The following RBFOX3 variants were observed in gnomAD, a reference collection of about 807,000 sequenced individuals.
RBFOX3 encodes RNA binding protein fox-1 homolog 3.
RBFOX3 carries 17 observed loss-of-function variants against 48.7 expected under a neutral mutation model. The observed-to-expected ratio is 0.35, with a 90% CI of 0.24 to 0.52. RBFOX3 has a LOEUF of 0.52. RBFOX3 is among the 20% of genes least tolerant of loss of function. RBFOX3 has a pLI of 0.94. For synonymous variants in RBFOX3, 212 were observed against 209.5 expected, an observed-to-expected ratio of 1.01 and a Z score of -0.10; for missense variants, 382 against 497.5, an observed-to-expected ratio of 0.77 and a Z score of 2.21.
In RBFOX3 at chr17:79,418,063, T is replaced by A. The variant is rs2065676694; in HGVS notation, c.-175+64391A>T. Among the ~76,000 whole-genome samples the A allele has an allele frequency of 5.3e-5, 8 of 152,056 alleles. No individual in the cohort carries two copies. Among genetic ancestry groups the A allele is most frequent in the Admixed American group, 5.2e-4 (8 of 15,264 alleles). On this transcript the variant is annotated intron_variant, in intron 2 of 14. Coordinates refer to ENST00000693108, the MANE Select transcript of RBFOX3 (RefSeq NM_001350451.2). The surrounding 1 kb of genome is among the most constrained non-coding windows in gnomAD (Gnocchi z 5.0). ...ATGGAGATGCCAGGGGCTGGGGAGATAGGAAGGGGGCTTCGTGTTTCCTGG... is the reference window on the plus strand; with the variant it reads ...ATGGAGATGCCAGGGGCTGGGGAGAAAGGAAGGGGGCTTCGTGTTTCCTGG...
intron 4 of RBFOX3, among the ~76,000 whole-genome samples, chr17:79,231,906 T>A (rs1385996712): frequency 6.6e-6 from 1 of 152,208 alleles, no homozygotes; most frequent in East Asian, 1.9e-4. Flanking sequence ...TACCCAAGAC[T>A]GAGTAATTTA....
chr17:79,096,736 T>C lies in RBFOX3; in HGVS notation c.853A>G (p.Thr285Ala). The C allele has an allele frequency of 2.6e-6, 4 of 1,541,706 alleles. No individual in the cohort carries two copies. The highest frequency in any genetic ancestry group is 3.5e-6 in the Non-Finnish European group (4 of 1,138,850). Reference protein sequence around the residue: ...PQQTPEPAYPTSPAFPPLSCP... With the variant: ...PQQTPEPAYPASPAFPPLSCP... ...GAAAGTGGTGGGAACGCTGGAGAGG[T>C]GGGGTAGGCCGGCTCCGGTGTCTGC... is the stretch of plus-strand genomic sequence containing the variant. Residue 285 changes from threonine (T) to alanine (A), a missense_variant, in exon 12 of 15, where the codon ACC becomes GCC. This residue lies in a region of RBFOX3 where 215 missense variants were observed against 254.8 expected (regional missense o/e 0.84). Transcript: ENST00000693108.
intron 2 of RBFOX3, among the ~76,000 whole-genome samples, chr17:79,430,317 GA>G (rs2068200537): frequency 6.7e-6 from 1 of 148,942 alleles, no homozygotes; most frequent in Admixed American, 6.7e-5. Flanking sequence ...AAGCAGATAA[GA>G]AAAAAAGTAG....
At chr17:79,576,380 G>A (rs1337198703) in intron 1 of RBFOX3, among the ~76,000 whole-genome samples, 4 of 152,154 alleles carry the variant, frequency 2.6e-5, no homozygotes, top group African/African-American at 9.7e-5. Context: ...TCATGGAGAT[G>A]ATGGAGAAGA....
chr17:79,194,253 T>A (rs1011426146), intron 4 of RBFOX3, among the ~76,000 whole-genome samples: 1 of 151,436 alleles, frequency 6.6e-6, no homozygotes, highest in Non-Finnish European at 1.5e-5. Flanking sequence ...GGAGCAGGAG[T>A]CTGTGATAAG....
the RBFOX3 span, among the ~76,000 whole-genome samples, chr17:79,619,085 CT>C: frequency 6.6e-6 from 1 of 152,192 alleles, no homozygotes; most frequent in African/African-American, 2.4e-5. Flanking sequence ...GCATCAAATA[CT>C]TTTCAAAGGA....
chr17:79,593,703 C>G (rs1294742529), intron 1 of RBFOX3, among the ~76,000 whole-genome samples: 1 of 152,156 alleles, frequency 6.6e-6, no homozygotes, highest in Non-Finnish European at 1.5e-5. Context: ...TTTTTTGTGT[C>G]TTGATTTTGA....
chr17:79,597,395 GC>G (rs1285325376), intron 1 of RBFOX3, among the ~76,000 whole-genome samples: 2 of 152,096 alleles, frequency 1.3e-5, no homozygotes, highest in Non-Finnish European at 2.9e-5. Context: ...CTTTCTGCCC[GC>G]CCCCACCCAG....
chr17:79,558,678 T>A (rs1336955383), intron 1 of RBFOX3, among the ~76,000 whole-genome samples: 1 of 152,174 alleles, frequency 6.6e-6, no homozygotes, highest in Non-Finnish European at 1.5e-5. Context: ...TGGAGCAGCC[T>A]TCCCCTGCCT....
chr17:79,551,264 T>C (rs2091118941), intron 1 of RBFOX3, among the ~76,000 whole-genome samples: 1 of 152,124 alleles, frequency 6.6e-6, no homozygotes, highest in African/African-American at 2.4e-5. Context: ...TGGTTTCTGC[T>C]GAACAAGAAG....
chr17:79,431,765 G>A (rs868975594), intron 2 of RBFOX3, among the ~76,000 whole-genome samples: 1 of 152,220 alleles, frequency 6.6e-6, no homozygotes, highest in East Asian at 1.9e-4. Context: ...GATTATAGGC[G>A]TGAGCCACAG....
chr17:79,211,329 G>A (rs543447476), intron 4 of RBFOX3, among the ~76,000 whole-genome samples: 49 of 152,330 alleles, frequency 3.2e-4, no homozygotes, highest in Non-Finnish European at 5.9e-4. Context: ...GCCAGCCTCC[G>A]CCACCTCCTG....
intron 1 of RBFOX3, among the ~76,000 whole-genome samples, chr17:79,497,935 G>T (rs1240605561): frequency 6.6e-6 from 1 of 152,222 alleles, no homozygotes; most frequent in Admixed American, 6.5e-5. Flanking sequence ...CCCTGGCCTT[G>T]GACCAGACCC....
intron 2 of RBFOX3, among the ~76,000 whole-genome samples, chr17:79,455,929 A>C (rs1310487041): frequency 6.6e-6 from 1 of 152,118 alleles, no homozygotes; most frequent in Non-Finnish European, 1.5e-5. Context: ...ACCAGGTCCC[A>C]CCGCAAGCCT....
chr17:79,467,362 G>A (rs2076454861), intron 2 of RBFOX3, among the ~76,000 whole-genome samples: 3 of 152,178 alleles, frequency 2.0e-5, no homozygotes, highest in South Asian at 2.1e-4. Flanking sequence ...AGGGCAGAGC[G>A]GGGAGGAGGG....
At chr17:79,622,637 C>T in the RBFOX3 span, among the ~76,000 whole-genome samples, 1 of 152,214 alleles carries the variant, frequency 6.6e-6, no homozygotes, top group Non-Finnish European at 1.5e-5. Context: ...GTGTCCTCCA[C>T]AGCCGTCCCC....
chr17:79,510,471 C>T (rs1555780580), intron 1 of RBFOX3, among the ~76,000 whole-genome samples: 2 of 152,222 alleles, frequency 1.3e-5, no homozygotes, highest in African/African-American at 4.8e-5. Context: ...CACCAAATCC[C>T]ATAACCTTCA....
chr17:79,380,741 G>C (rs555536043), intron 2 of RBFOX3, among the ~76,000 whole-genome samples: 8 of 151,982 alleles, frequency 5.3e-5, no homozygotes, highest in African/African-American at 1.9e-4. Flanking sequence ...CAACAGAACA[G>C]GAGCCTGGGT....
At chr17:79,140,509 T>C (rs577052360) in intron 4 of RBFOX3, among the ~76,000 whole-genome samples, 3 of 152,358 alleles carry the variant, frequency 2.0e-5, no homozygotes, top group African/African-American at 7.2e-5. Context: ...GCACCCACAT[T>C]AGCTGTAAAG....
Sources: gnomAD v4.1 joint callset for allele counts (sites outside exome capture counted in the v4.1 genomes callset) on GRCh38, gnomAD v4.1.1 for gene constraint, gnomAD v4.1.1 regional missense constraint, Gnocchi (gnomAD v3.1) non-coding constraint, MANE v1.5 for transcripts, NCBI Gene and HGNC (gene_info 2026-07-23, HGNC 2026-07-21) for gene names.